The following NRXN2 variants were observed in gnomAD, a reference collection of about 807,000 sequenced individuals.
NRXN2 encodes the protein neurexin 2.
A neutral mutation model predicts 128.8 loss-of-function variants in NRXN2; 29 were observed. The observed-to-expected ratio is 0.23, with a 90% CI of 0.17 to 0.31. The LOEUF is 0.31. Among genes scored for constraint, NRXN2 ranks in the 10% least tolerant of loss-of-function variants. The probability of loss-of-function intolerance (pLI) is 1.00; values close to 1 mark genes in which losing one functional copy is unlikely to be tolerated. For synonymous variants in NRXN2, 1,098 were observed against 1,075.2 expected, an observed-to-expected ratio of 1.02 and a Z score of -0.41; for missense variants, 1,881 against 2,452.6, an observed-to-expected ratio of 0.77 and a Z score of 4.92.
chr11:64,659,108 G>T (rs17188744), intron 11 of NRXN2, among the ~76,000 whole-genome samples: 130 of 152,336 alleles, frequency 8.5e-4, no homozygotes, highest in South Asian at 3.9e-3. Context: ...TTCCCCTCTA[G>T]GTCCAGGATA....
intron 17 of NRXN2, chr11:64,642,800 G>A (rs1028031318): frequency 1.8e-5 from 21 of 1,148,704 alleles, no homozygotes; most frequent in Non-Finnish European, 2.2e-5. Context: ...CCCCCGGGGG[G>A]CATTTCGGCC....
At chr11:64,644,892 GAGCCCCATGTGCCACCCCC>G (rs1206932828) in intron 17 of NRXN2, among the ~76,000 whole-genome samples, 1 of 152,074 alleles carries the variant, frequency 6.6e-6, no homozygotes, top group Non-Finnish European at 1.5e-5. Context: ...CTGTCACCAC[GAGCCCCATGTGCCACCCCC>G]AGCTCCAGGA....
chr11:64,618,574 C>T (rs993937296), intron 22 of NRXN2, among the ~76,000 whole-genome samples: 1 of 152,168 alleles, frequency 6.6e-6, no homozygotes, highest in Non-Finnish European at 1.5e-5. Flanking sequence ...CACCAATAAA[C>T]GCCTAGAGCT....
chr11:64,642,512 G>A, intron 17 of NRXN2: 1 of 1,599,398 alleles, frequency 6.3e-7, no homozygotes, highest in Non-Finnish European at 8.5e-7. Flanking sequence ...GGCCAACCGG[G>A]TGGCCGGCAT....
chr11:64,708,734 C>T (rs190037456), intron 2 of NRXN2, among the ~76,000 whole-genome samples: 5 of 152,290 alleles, frequency 3.3e-5, no homozygotes. Flanking sequence ...AAAGCTAAAA[C>T]CATTTTTCTA....
chr11:64,634,798 G>A (rs1205108721), intron 18 of NRXN2, among the ~76,000 whole-genome samples: 3 of 152,208 alleles, frequency 2.0e-5, no homozygotes, highest in African/African-American at 7.2e-5. Flanking sequence ...GAGGCAAGAT[G>A]AAGCTGCAAG....
At chr11:64,644,467 C>A (rs1311078194) in intron 17 of NRXN2, among the ~76,000 whole-genome samples, 3 of 152,166 alleles carry the variant, frequency 2.0e-5, no homozygotes, top group East Asian at 1.9e-4. Flanking sequence ...AGGACAAAAC[C>A]CTTCCTGGGC....
chr11:64,639,593 C>T (rs889096106), intron 17 of NRXN2, among the ~76,000 whole-genome samples: 1 of 152,002 alleles, frequency 6.6e-6, no homozygotes, highest in Non-Finnish European at 1.5e-5. Flanking sequence ...TTTTTAGGAC[C>T]CAGGTGTGCC....
chr11:64,608,039 G>C lies in NRXN2; in HGVS notation c.4296C>G (p.Asp1432Glu), dbSNP rs754091959. Reference sequence around the variant, plus strand: ...GGGATCGGGTGGCCACGGGAGGGGGGTCTAAGGAGTCCTCCGTGATAATGG... The same window carrying C: ...GGGATCGGGTGGCCACGGGAGGGGGCTCTAAGGAGTCCTCCGTGATAATGG... Reference protein sequence around the residue: ...ILPIITEDSLDPPPVATRSPF... With the variant: ...ILPIITEDSLEPPPVATRSPF... The change falls in exon 23 of 23, where the codon GAC becomes GAG. Residue 1432 changes from aspartate to glutamate, a missense_variant. Around this residue, in one of 7 missense-constraint regions of NRXN2, gnomAD observed 310 missense variants for 318.2 expected, o/e 0.97. Transcript: ENST00000265459. 4 of 1,575,142 alleles carry C rather than the reference G, an allele frequency of 2.5e-6. No individual in the cohort carries two copies. The highest frequency in any genetic ancestry group is 1.1e-5 in the South Asian group (1 of 87,614).
chr11:64,653,707 C>A lies in NRXN2; in HGVS notation c.2405G>T (p.Gly802Val). Residue 802 changes from glycine to valine, a missense_variant, in exon 12 of 23, where the codon GGC becomes GTC. By Grantham distance (109) the Gly-to-Val change is moderately radical. Coordinates refer to ENST00000265459, the MANE Select transcript of NRXN2 (RefSeq NM_015080.4). ...LTVNLDCLRV[G>V]CAPSKGPETL... Reference sequence around the variant, plus strand: ...GGGAAGCCACTTACTGGGTGCGCAGCCGACGCGCAGGCAGTCTGGGGGGGC... The same window carrying A: ...GGGAAGCCACTTACTGGGTGCGCAGACGACGCGCAGGCAGTCTGGGGGGGC... The A allele has an allele frequency of 6.3e-7, 1 of 1,596,444 alleles. No homozygotes were observed. Among genetic ancestry groups the A allele is most frequent in the Admixed American group, 1.8e-5 (1 of 56,638 alleles).
intron 17 of NRXN2, among the ~76,000 whole-genome samples, chr11:64,639,337 A>C (rs2045305790): frequency 6.6e-6 from 1 of 152,138 alleles, no homozygotes; most frequent in Non-Finnish European, 1.5e-5. Flanking sequence ...TAAACCATCC[A>C]GTCAGAAATC....
chr11:64,642,175 G>A (rs992448937), intron 17 of NRXN2, among the ~76,000 whole-genome samples: 17 of 152,072 alleles, frequency 1.1e-4, no homozygotes, highest in Non-Finnish European at 2.9e-5. Context: ...AGAAGGTGAT[G>A]CGCAAGAGAA....
At chr11:64,690,309 G>C (rs1189386950) in intron 5 of NRXN2, 96 bp downstream of exon 5, 1 of 1,100,238 alleles carries the variant, frequency 9.1e-7, no homozygotes, top group Non-Finnish European at 1.4e-6. Flanking sequence ...AGGACAAGGG[G>C]ATGTGCCTGC....
rs765594970 is a variant in NRXN2, at chr11:64,648,363, AC to A, written c.3284-26del. Reference sequence around the variant, plus strand: ...CCTGGAAGGGGCAGGAGAAAGGAACACCCCTGGCTCAGCCAAGCCCCCTCTT... The same window carrying A: ...CCTGGAAGGGGCAGGAGAAAGGAACACCCTGGCTCAGCCAAGCCCCCTCTT... On this transcript the variant is annotated intron_variant, in intron 16 of 22. Coordinates refer to ENST00000265459, the MANE Select transcript of NRXN2 (RefSeq NM_015080.4). This position sits in a 1 kb window ranked among gnomAD's most constrained non-coding sequence, Gnocchi z 4.1. 1.9e-6 allele frequency: 3 copies of A among 1,613,528 alleles called. No homozygotes were observed. The highest frequency in any genetic ancestry group is 2.7e-5 in the African/African-American group (2 of 74,842).
At chr11:64,666,454 G>A (rs183848796) in intron 9 of NRXN2, among the ~76,000 whole-genome samples, 152 of 152,042 alleles carry the variant, frequency 1.0e-3, no homozygotes, top group Middle Eastern at 3.4e-3. Flanking sequence ...CACCCACTTC[G>A]GCCTCCCAAA....
At position 64,648,241 on chromosome 11, in the gene NRXN2, A is replaced by G. The variant is rs1198575640; in HGVS notation, c.3381T>C (p.Tyr1127=). 1 of 1,614,176 alleles carries G rather than the reference A, an allele frequency of 6.2e-7. No individual in the cohort carries two copies. Among genetic ancestry groups the G allele is most frequent in the African/African-American group, 1.3e-5 (1 of 75,056 alleles). ...GFTCDCTMTS[Y]GGPVCNDPGT... ...CACGATCATTGCAGACAGGGCCTCC[A>G]TAGGAAGTCATGGTGCAGTCGCAGG... The change falls in exon 17 of 23, where the codon TAT becomes TAC. Residue 1127 remains tyrosine (Y), a synonymous_variant. Coordinates refer to ENST00000265459, the MANE Select transcript of NRXN2 (RefSeq NM_015080.4). The surrounding 1 kb of genome is among the most constrained non-coding windows in gnomAD (Gnocchi z 4.1).
At chr11:64,686,277 C>T (rs2053035767) in intron 5 of NRXN2, among the ~76,000 whole-genome samples, 2 of 152,176 alleles carry the variant, frequency 1.3e-5, no homozygotes, top group African/African-American at 4.8e-5. Flanking sequence ...ACCAACCTTC[C>T]CATCGGCCAC....
chr11:64,644,577 C>G (rs2046348619), intron 17 of NRXN2, among the ~76,000 whole-genome samples: 1 of 152,170 alleles, frequency 6.6e-6, no homozygotes, highest in Non-Finnish European at 1.5e-5. Context: ...ACCTGTGGCC[C>G]CAGAGGTAAG....
chr11:64,719,201 T>G (rs2057373325), intron 1 of NRXN2, among the ~76,000 whole-genome samples: 1 of 152,176 alleles, frequency 6.6e-6, no homozygotes, highest in African/African-American at 2.4e-5. Context: ...CCTCTGATCC[T>G]CACCAGGGCT....
Sources: gnomAD v4.1 joint callset for allele counts (sites outside exome capture counted in the v4.1 genomes callset) on GRCh38, gnomAD v4.1.1 for gene constraint, gnomAD v4.1.1 regional missense constraint, Gnocchi (gnomAD v3.1) non-coding constraint, MANE v1.5 for transcripts, NCBI Gene and HGNC (gene_info 2026-07-23, HGNC 2026-07-21) for gene names.